Variants in STX12 observed in about 807,000 individuals in gnomAD.
The protein encoded by STX12 is syntaxin-12.
In STX12, 17 loss-of-function variants were observed where a neutral mutation model predicts 42.2. The observed-to-expected ratio is 0.40, with a 90% confidence interval of 0.28 to 0.60. The LOEUF (loss-of-function observed/expected upper bound fraction) is 0.60, where lower values mean the gene tolerates loss of function less well. Ranked by LOEUF, STX12 falls within the 20% of genes least tolerant of loss-of-function variation. The pLI, the probability that STX12 is intolerant of heterozygous loss-of-function variation, is 0.39. For synonymous variants in STX12, 108 were observed against 116.7 expected, an observed-to-expected ratio of 0.93 and a Z score of 0.48; for missense variants, 297 against 330.9, an observed-to-expected ratio of 0.90 and a Z score of 0.79.
intron 1 of STX12, among the ~76,000 whole-genome samples, chr1:27,787,430 G>A (rs1386424457): frequency 3.3e-5 from 5 of 152,030 alleles, no homozygotes; most frequent in Admixed American, 6.6e-5. Context: ...AGGCCGAGGC[G>A]GGTGGATTAC....
At position 27,789,570 on chromosome 1, in the gene STX12, A is replaced by AT. The variant is rs1557800107; in HGVS notation, c.128dup (p.Asn45GlufsTer9). The AT allele has an allele frequency of 1.9e-6, 3 of 1,613,500 alleles. No homozygotes were observed. The stretch of plus-strand genomic sequence containing the variant: ...TCTTCCTATCTCCCCAGCTGCTCAG[A>AT]TAAAGAATTTGATGAGCCAGCTAGG... On this transcript the variant is annotated frameshift_variant, in exon 2 of 9. Transcript: ENST00000373943. LOFTEE classifies it high-confidence loss of function.
intron 6 of STX12, among the ~76,000 whole-genome samples, chr1:27,813,948 A>G (rs149120706): frequency 0.023 from 3,422 of 152,086 alleles, 110 homozygotes; most frequent in African/African-American, 0.076. Flanking sequence ...TCACCCAGGC[A>G]GGAGTGCAGT....
chr1:27,822,515 G>A lies in STX12; in HGVS notation c.*186G>A. The A allele has an allele frequency of 2.1e-6, 1 of 472,170 alleles. No individual in the cohort carries two copies. The highest frequency in any genetic ancestry group is 3.8e-5 in the South Asian group (1 of 26,088). The allele number at this position is 472,170 out of a possible 1,614,324, so 29.2% of individuals were successfully genotyped here. Reference sequence around the variant, plus strand: ...TGGAGACAGTAATTATCAATTTATTGATTCTATTGATTTCTCAAATTAGGA... The same window carrying A: ...TGGAGACAGTAATTATCAATTTATTAATTCTATTGATTTCTCAAATTAGGA... On this transcript the variant is annotated 3_prime_UTR_variant, in exon 9 of 9. Coordinates refer to ENST00000373943, the MANE Select transcript of STX12 (RefSeq NM_177424.3).
At chr1:27,803,033 AGGGG>A (rs938873947) in intron 4 of STX12, among the ~76,000 whole-genome samples, 28 of 152,184 alleles carry the variant, frequency 1.8e-4, no homozygotes, top group Non-Finnish European at 3.2e-4. Flanking sequence ...CATGTAGCAT[AGGGG>A]GTTAAGAGGT....
intron 4 of STX12, among the ~76,000 whole-genome samples, chr1:27,802,384 A>G (rs187098478): frequency 7.2e-4 from 110 of 152,338 alleles, no homozygotes; most frequent in Non-Finnish European, 1.2e-3. Context: ...AAGAAGGTAC[A>G]ACTCAAATTA....
chr1:27,812,088 C>A, intron 5 of STX12, 75 bp from the exon 6 acceptor site: 1 of 1,220,450 alleles, frequency 8.2e-7, no homozygotes, highest in Non-Finnish European at 1.2e-6. Flanking sequence ...GTTCTGCTGG[C>A]AGTAGAGATG....
intron 1 of STX12, chr1:27,773,749 C>T (rs932375179): frequency 4.2e-5 from 11 of 264,644 alleles, no homozygotes; most frequent in South Asian, 1.8e-4. Flanking sequence ...GTTGACTTGG[C>T]GCAGTGGTCA....
chr1:27,787,146 C>T (rs1430220450), intron 1 of STX12, among the ~76,000 whole-genome samples: 3 of 152,136 alleles, frequency 2.0e-5, no homozygotes, highest in South Asian at 2.1e-4. Context: ...AAAATATGGT[C>T]TCAAAATAAG....
intron 3 of STX12, among the ~76,000 whole-genome samples, chr1:27,795,167 G>C (rs1184065479): frequency 6.6e-6 from 1 of 152,068 alleles, no homozygotes; most frequent in African/African-American, 2.4e-5. Context: ...TCATTTTAGT[G>C]TATTGAGATC....
chr1:27,787,946 A>G (rs2148598919), intron 1 of STX12, among the ~76,000 whole-genome samples: 1 of 152,326 alleles, frequency 6.6e-6, no homozygotes, highest in Middle Eastern at 3.4e-3. Flanking sequence ...ATTATACAAT[A>G]TACATTGGTC....
chr1:27,806,725 G>A (rs572377145), intron 4 of STX12, among the ~76,000 whole-genome samples: 37 of 152,246 alleles, frequency 2.4e-4, no homozygotes, highest in African/African-American at 8.7e-4. Flanking sequence ...CCTGAGACTG[G>A]ATACTTTATA....
chr1:27,804,458 A>C (rs931063368), intron 4 of STX12, among the ~76,000 whole-genome samples: 1 of 150,624 alleles, frequency 6.6e-6, no homozygotes, highest in Admixed American at 6.6e-5. Context: ...ATCTTCTTGA[A>C]TCTTAAAAAA....
intron 6 of STX12, among the ~76,000 whole-genome samples, chr1:27,815,395 T>C (rs566851313): frequency 6.6e-6 from 1 of 152,362 alleles, no homozygotes; most frequent in South Asian, 2.1e-4. Flanking sequence ...ACACATTCTA[T>C]GTTATGGCAA....
chr1:27,796,828 C>T (rs2148601901), intron 3 of STX12, among the ~76,000 whole-genome samples: 1 of 152,116 alleles, frequency 6.6e-6, no homozygotes, highest in South Asian at 2.1e-4. Context: ...GCCTCAGCCT[C>T]CCGAGTAGCT....
chr1:27,820,954 C>T (rs540686490), intron 8 of STX12, among the ~76,000 whole-genome samples: 4 of 146,806 alleles, frequency 2.7e-5, no homozygotes, highest in African/African-American at 7.6e-5. Flanking sequence ...TATTCTCACT[C>T]ATAGGTGGGA....
At position 27,823,198 on chromosome 1, in the gene STX12, C is replaced by G. The variant is rs2148609850; in HGVS notation, c.*869C>G. 6.6e-6 allele frequency: 1 copy of G among 152,244 alleles called. No individual in the cohort carries two copies. Among genetic ancestry groups the G allele is most frequent in the Non-Finnish European group, 1.5e-5 (1 of 68,024 alleles). 9.4% of individuals were successfully genotyped at this position (152,244 alleles called of 1,614,324 possible). ...GTTGTTCACTTGTGGTTCTACATTC[C>G]TGGTGAATGATGAATGTTGCTGTCA... On this transcript the variant is annotated 3_prime_UTR_variant, in exon 9 of 9. Coordinates refer to ENST00000373943, the MANE Select transcript of STX12 (RefSeq NM_177424.3).
At chr1:27,781,968 A>G (rs2088670486) in intron 1 of STX12, among the ~76,000 whole-genome samples, 1 of 152,148 alleles carries the variant, frequency 6.6e-6, no homozygotes, top group Non-Finnish European at 1.5e-5. Flanking sequence ...TCCTCACAAC[A>G]ACCATATGAA....
In STX12 at chr1:27,779,157, G is replaced by C. The variant is rs374086295; in HGVS notation, c.118+5732G>C. Among the ~76,000 whole-genome samples the C allele has an allele frequency of 3.3e-5, 5 of 152,200 alleles. No individual in the cohort carries two copies. The South Asian group carries it at 8.3e-4, about 25-fold the overall frequency. On this transcript the variant is annotated intron_variant, in intron 1 of 8. Transcript: ENST00000373943. ...TTAAGTATTCATCAGCTCAACATCTGTATTTCAACAGCATATTCATAGTGT... is the reference window on the plus strand; with the variant it reads ...TTAAGTATTCATCAGCTCAACATCTCTATTTCAACAGCATATTCATAGTGT...
At chr1:27,819,975 TATG>T (rs1455037714) in intron 8 of STX12, 3 of 353,018 alleles carry the variant, frequency 8.5e-6, no homozygotes, top group African/African-American at 6.3e-5. Flanking sequence ...TATACACTAA[TATG>T]ATACCTAAAT....
Sources: gnomAD v4.1 joint callset for allele counts (sites outside exome capture counted in the v4.1 genomes callset) on GRCh38, gnomAD v4.1.1 for gene constraint, MANE v1.5 for transcripts, NCBI Gene and HGNC (gene_info 2026-07-23, HGNC 2026-07-21) for gene names.